SLC36A4: variants seen among roughly 807,000 people sequenced by gnomAD.
The protein encoded by SLC36A4 is solute carrier family 36 member 4, also known as neutral amino acid uniporter 4.
A neutral mutation model predicts 50.5 loss-of-function variants in SLC36A4; 49 were observed. The observed-to-expected ratio is 0.97, with a 90% CI of 0.77 to 1.23. SLC36A4 has a LOEUF of 1.23. Among genes scored for constraint, SLC36A4 ranks in the 50% most tolerant of loss-of-function variants. The pLI is 0.00. For synonymous variants in SLC36A4, 207 were observed against 206.5 expected (o/e 1.00, Z -0.02); for missense variants, 611 against 608.4 (o/e 1.00, Z -0.05).
At position 93,145,433 on chromosome 11, in the gene SLC36A4, T is replaced by A. The variant is rs956069409; in HGVS notation, c.*3104A>T. On this transcript the variant is annotated 3_prime_UTR_variant, in exon 11 of 11. Coordinates refer to ENST00000326402, the MANE Select transcript of SLC36A4 (RefSeq NM_152313.4). ...AACTGGTTTTTAACCAAGAATACGC[T>A]GTAGCTCTTATTTTCTTAATTGTAA... 2.0e-5 allele frequency: 3 copies of A among 152,062 alleles called. No individual in the cohort carries two copies. Among genetic ancestry groups the A allele is most frequent in the Non-Finnish European group, 4.4e-5 (3 of 67,976 alleles). 9.4% of individuals were successfully genotyped at this position (152,062 alleles called of 1,614,324 possible).
At position 93,186,132 on chromosome 11, in the gene SLC36A4, A is replaced by T. The variant is rs143517520; in HGVS notation, c.56-318T>A. On this transcript the variant is annotated intron_variant, in intron 1 of 10. Coordinates refer to ENST00000326402, the MANE Select transcript of SLC36A4 (RefSeq NM_152313.4). The stretch of plus-strand genomic sequence containing the variant: ...ACACCATGAGAAATGTAAAGAAATG[A>T]TCAAATATATTTTCATCGCTGCTTA... 6.6e-5 allele frequency among the ~76,000 whole-genome samples: 10 copies of T among 152,344 alleles called. No homozygotes were observed. The East Asian group carries it at 1.9e-3, about 29-fold the overall frequency.
intron 2 of SLC36A4, 43 bp downstream of exon 2, chr11:93,185,648 A>G: frequency 1.3e-6 from 2 of 1,507,950 alleles, no homozygotes; most frequent in Non-Finnish European, 1.8e-6. Flanking sequence ...CAAAATACAT[A>G]CTGAATTAAA....
At chr11:93,194,899 A>G (rs1252645895) in intron 1 of SLC36A4, among the ~76,000 whole-genome samples, 3 of 152,168 alleles carry the variant, frequency 2.0e-5, no homozygotes, top group African/African-American at 7.2e-5. Context: ...CAAACTTAAC[A>G]TGCCCCAAAC....
intron 8 of SLC36A4, among the ~76,000 whole-genome samples, chr11:93,164,213 C>T (rs1352131858): frequency 2.0e-5 from 3 of 152,180 alleles, no homozygotes; most frequent in Non-Finnish European, 2.9e-5. Context: ...CCCATGTATA[C>T]TCACATACGT....
intron 6 of SLC36A4, among the ~76,000 whole-genome samples, chr11:93,172,106 G>C (rs1465008355): frequency 2.6e-5 from 4 of 151,890 alleles, no homozygotes; most frequent in Non-Finnish European, 5.9e-5. Flanking sequence ...CAAATATCTA[G>C]TAAAAGTTAG....
At chr11:93,156,626 G>A (rs1232946368) in intron 9 of SLC36A4, among the ~76,000 whole-genome samples, 3 of 151,818 alleles carry the variant, frequency 2.0e-5, no homozygotes, top group African/African-American at 7.3e-5. Flanking sequence ...CACCATATTG[G>A]CCAGGCTGGT....
intron 10 of SLC36A4, among the ~76,000 whole-genome samples, chr11:93,150,931 T>C (rs1176217383): frequency 1.3e-5 from 2 of 152,026 alleles, no homozygotes; most frequent in African/African-American, 2.4e-5. Context: ...ATCCAAGCTG[T>C]CACTAGTAAA....
rs1484967146 is a variant in SLC36A4 at position 93,145,490 on chromosome 11, C to T, written c.*3047G>A. Reference sequence around the variant, plus strand: ...CTGGCCATGTGGGGAAAAGAAGTCCCTCTGAAAAAAACGTCTGAGAACCAG... The same window carrying T: ...CTGGCCATGTGGGGAAAAGAAGTCCTTCTGAAAAAAACGTCTGAGAACCAG... On this transcript the variant is annotated 3_prime_UTR_variant, in exon 11 of 11. Coordinates refer to ENST00000326402, the MANE Select transcript of SLC36A4 (RefSeq NM_152313.4). 6.6e-6 allele frequency: 1 copy of T among 151,986 alleles called. No individual in the cohort carries two copies. 9.4% of individuals were successfully genotyped at this position (151,986 alleles called of 1,614,324 possible). A position where few individuals can be genotyped will look rare whatever the true frequency, so the allele number is the denominator to read the frequency against.
intron 6 of SLC36A4, among the ~76,000 whole-genome samples, chr11:93,177,822 G>A (rs1861554786): frequency 2.0e-5 from 3 of 152,170 alleles, no homozygotes; most frequent in African/African-American, 4.8e-5. Flanking sequence ...CCGGGGTCAG[G>A]GACCCACATG....
Position 93,195,699 on chromosome 11 carries a change from C to T in SLC36A4, c.55+2079G>A, listed in dbSNP as rs189792176. Among the ~76,000 whole-genome samples the T allele has an allele frequency of 7.2e-5, 11 of 152,316 alleles. 1 individual carries two copies. Among genetic ancestry groups the T allele is most frequent in the Admixed American group, 5.2e-4 (8 of 15,306 alleles). ...CCTACATAATTTGGCCCCATCGCCA[C>T]CTCCATCACTCTGCTTCAGCCACTT... On this transcript the variant is annotated intron_variant, in intron 1 of 10. Coordinates refer to ENST00000326402, the MANE Select transcript of SLC36A4 (RefSeq NM_152313.4).
chr11:93,167,827 CTG>C, intron 7 of SLC36A4, 115 bp downstream of exon 7: 1 of 648,378 alleles, frequency 1.5e-6, no homozygotes, highest in Non-Finnish European at 2.7e-6. Context: ...TGATTGCACA[CTG>C]TGTGCCACAT....
intron 1 of SLC36A4, among the ~76,000 whole-genome samples, chr11:93,192,456 G>A (rs143555857): frequency 5.3e-5 from 8 of 152,136 alleles, no homozygotes; most frequent in African/African-American, 1.9e-4. Flanking sequence ...ACCATTCTAC[G>A]TGACATGAAA....
chr11:93,178,499 G>A lies in SLC36A4; in HGVS notation c.540+2298C>T, dbSNP rs113452876. Among the ~76,000 whole-genome samples the A allele has an allele frequency of 2.8e-3, 430 of 152,244 alleles. 2 individuals carry two copies. The highest frequency in any genetic ancestry group is 4.1e-3 in the Non-Finnish European group (279 of 68,016). ...CTCAAGCTTGGAGCTGTAGACTGGCGCTGTTCCTATTGGTCATCTTGGAAC... is the reference window on the plus strand; with the variant it reads ...CTCAAGCTTGGAGCTGTAGACTGGCACTGTTCCTATTGGTCATCTTGGAAC... On this transcript the variant is annotated intron_variant, in intron 6 of 10. Transcript: ENST00000326402.
chr11:93,152,784 A>G (rs1170097096), intron 10 of SLC36A4: 1 of 152,136 alleles, frequency 6.6e-6, no homozygotes, highest in Non-Finnish European at 1.5e-5. Context: ...AAAAGACGAT[A>G]TACTTTCAGA....
In SLC36A4 at chr11:93,173,005, C is replaced by T. The variant is rs1195977633; in HGVS notation, c.541-4834G>A. Among the ~76,000 whole-genome samples the T allele has an allele frequency of 1.2e-3, 182 of 147,244 alleles. 1 individual carries two copies. Among genetic ancestry groups the T allele is most frequent in the Non-Finnish European group, 2.1e-3 (137 of 66,458 alleles). ...CAAATGGTATTTCCAGTTCTAGATC[C>T]CTGAGGAATCGCCACACTGACTTCC... On this transcript the variant is annotated intron_variant, in intron 6 of 10. Transcript: ENST00000326402.
chr11:93,186,690 T>C (rs1244514232), intron 1 of SLC36A4, among the ~76,000 whole-genome samples: 1 of 152,212 alleles, frequency 6.6e-6, no homozygotes, highest in African/African-American at 2.4e-5. Context: ...ATGTTTTTCA[T>C]ACTGTCCTTC....
chr11:93,162,339 G>A (rs897723676), intron 9 of SLC36A4, among the ~76,000 whole-genome samples: 4 of 151,568 alleles, frequency 2.6e-5, no homozygotes, highest in South Asian at 4.2e-4. Flanking sequence ...ACGGAGTTTC[G>A]CTCTTGTCAC....
chr11:93,147,948 T>G lies in SLC36A4; in HGVS notation c.*589A>C, dbSNP rs1280211564. On this transcript the variant is annotated 3_prime_UTR_variant, in exon 11 of 11. Coordinates refer to ENST00000326402, the MANE Select transcript of SLC36A4 (RefSeq NM_152313.4). ...CTTGACTATGAAGATCAACTACCAT[T>G]AGAGTGTAAAATTAATTCTAGTGTT... The G allele has an allele frequency of 6.6e-6, 1 of 152,404 alleles. No individual in the cohort carries two copies. The highest frequency in any genetic ancestry group is 1.5e-5 in the Non-Finnish European group (1 of 68,270). 9.4% of individuals were successfully genotyped at this position (152,404 alleles called of 1,614,324 possible).
intron 4 of SLC36A4, chr11:93,182,166 G>T: frequency 4.8e-6 from 1 of 206,992 alleles, no homozygotes; most frequent in Non-Finnish European, 8.5e-6. Flanking sequence ...TCTGTGCAAG[G>T]CTGCACAATA....
Sources: allele counts gnomAD v4.1 joint callset (sites outside exome capture counted in the v4.1 genomes callset), GRCh38; gene constraint gnomAD v4.1.1; transcripts MANE v1.5; gene names NCBI Gene and HGNC (gene_info 2026-07-23, HGNC 2026-07-21).